The following RNF130 variants were observed in gnomAD, a reference collection of about 807,000 sequenced individuals.
RNF130 encodes ring finger protein 130.
Under a neutral mutation model 44.6 loss-of-function variants are expected in RNF130, and 21 were observed. That is an observed-to-expected ratio of 0.47 (90% CI 0.33 to 0.68). The LOEUF is 0.68. RNF130 is among the 30% of genes least tolerant of loss of function. The pLI, the probability that RNF130 is intolerant of heterozygous loss-of-function variation, is 0.02. For synonymous variants in RNF130, 214 were observed against 210.4 expected, an observed-to-expected ratio of 1.02 and a Z score of -0.15; for missense variants, 479 against 560.6, an observed-to-expected ratio of 0.85 and a Z score of 1.47.
chr5:179,985,818 C>T (rs373087083), intron 3 of RNF130, among the ~76,000 whole-genome samples: 3 of 152,092 alleles, frequency 2.0e-5, no homozygotes, highest in African/African-American at 4.8e-5. Context: ...TAATAAATGT[C>T]CTTTGTGGCA....
chr5:180,025,474 G>A (rs1032539430), intron 2 of RNF130, among the ~76,000 whole-genome samples: 7 of 152,148 alleles, frequency 4.6e-5, no homozygotes, highest in Admixed American at 3.9e-4. Flanking sequence ...TGCTGGTGAA[G>A]GCACTCTCCA....
At chr5:180,070,262 T>C (rs1314601461) in intron 1 of RNF130, among the ~76,000 whole-genome samples, 1 of 152,216 alleles carries the variant, frequency 6.6e-6, no homozygotes, top group Admixed American at 6.5e-5. Context: ...GCTGGGACCC[T>C]AACTGCCATT....
Position 180,045,734 on chromosome 5 carries a change from T to G in RNF130, c.248-5087A>C, listed in dbSNP as rs1764549620. 2.6e-5 allele frequency among the ~76,000 whole-genome samples: 4 copies of G among 152,214 alleles called. No individual in the cohort carries two copies. The South Asian group carries it at 8.3e-4, about 32-fold the overall frequency. On this transcript the variant is annotated intron_variant, in intron 1 of 8. Coordinates refer to ENST00000521389, the MANE Select transcript of RNF130 (RefSeq NM_018434.6). ...GAGTTAGACACAGAGTGCCAATTGG[T>G]GCATTTACAATCCTCCAGCTAGGCA...
At chr5:179,951,305 A>C (rs558701372), downstream of RNF130, among the ~76,000 whole-genome samples, 1 of 152,328 alleles carries the variant, frequency 6.6e-6, no homozygotes, top group South Asian at 2.1e-4. Flanking sequence ...GAAGAAAAAC[A>C]AGATAAGATT....
At chr5:179,958,752 T>A (rs909189453) in intron 8 of RNF130, among the ~76,000 whole-genome samples, 1 of 152,170 alleles carries the variant, frequency 6.6e-6, no homozygotes, top group Admixed American at 6.5e-5. Flanking sequence ...AATGGGGCGA[T>A]CTCGGCTCAC....
At chr5:179,946,012 C>T (rs1476147666) in intron 7 of RNF130, among the ~76,000 whole-genome samples, 1 of 152,234 alleles carries the variant, frequency 6.6e-6, no homozygotes, top group Non-Finnish European at 1.5e-5. Context: ...ATATGACTGA[C>T]GTTCCTTCAG....
chr5:180,050,947 G>A (rs1455177859), intron 1 of RNF130, among the ~76,000 whole-genome samples: 1 of 151,980 alleles, frequency 6.6e-6, no homozygotes, highest in East Asian at 1.9e-4. Context: ...GGGACTACAG[G>A]CATGCACCAC....
chr5:179,959,670 G>C (rs1762284816), intron 8 of RNF130, among the ~76,000 whole-genome samples: 1 of 151,700 alleles, frequency 6.6e-6, no homozygotes, highest in South Asian at 2.1e-4. Context: ...CAGAAATACT[G>C]AGAGTAAAAT....
chr5:179,981,540 A>G (rs528059363), intron 3 of RNF130, among the ~76,000 whole-genome samples: 12 of 152,318 alleles, frequency 7.9e-5, no homozygotes, highest in Admixed American at 6.5e-4. Flanking sequence ...CTTTACTTCT[A>G]TTTTTCATCT....
chr5:179,946,482 G>C (rs185690739), intron 7 of RNF130, among the ~76,000 whole-genome samples: 47 of 152,096 alleles, frequency 3.1e-4, no homozygotes, highest in Non-Finnish European at 4.6e-4. Context: ...AAAGAAAGTG[G>C]ATAATTTCTA....
chr5:179,942,078 C>G (rs1464467784), intron 7 of RNF130, among the ~76,000 whole-genome samples: 1 of 151,356 alleles, frequency 6.6e-6, no homozygotes, highest in Admixed American at 6.7e-5. Flanking sequence ...AATAAATATT[C>G]CATTAAATTG....
chr5:180,071,738 G>A lies in RNF130; in HGVS notation c.-36C>T. On this transcript the variant is annotated 5_prime_UTR_variant, in exon 1 of 9. Coordinates refer to ENST00000521389, the MANE Select transcript of RNF130 (RefSeq NM_018434.6). The stretch of plus-strand genomic sequence containing the variant: ...GCAGCCGCCGCTGCTCGCGGACCGG[G>A]CTCCGGGGCCGGCGCCTAGAGGCGG... 1.7e-6 allele frequency: 2 copies of A among 1,181,346 alleles called. No homozygotes were observed. Among genetic ancestry groups the A allele is most frequent in the Middle Eastern group, 3.4e-4 (1 of 2,948 alleles). 73.2% of individuals were successfully genotyped at this position (1,181,346 alleles called of 1,614,324 possible). A position where few individuals can be genotyped will look rare whatever the true frequency, so the allele number is the denominator to read the frequency against.
At chr5:179,966,746 G>T (rs1762457630) in intron 7 of RNF130, 60 bp downstream of exon 7, 1 of 1,482,910 alleles carries the variant, frequency 6.7e-7, no homozygotes, top group South Asian at 1.2e-5. Flanking sequence ...TCTCCTGATG[G>T]TCCCGAATGC....
chr5:180,038,711 T>A (rs1764335813), intron 2 of RNF130, among the ~76,000 whole-genome samples: 1 of 151,608 alleles, frequency 6.6e-6, no homozygotes, highest in African/African-American at 2.4e-5. Context: ...AGTAATTTAA[T>A]TTTTTTTTAA....
chr5:179,941,040 T>C (rs1286115862), intron 7 of RNF130, among the ~76,000 whole-genome samples: 1 of 152,222 alleles, frequency 6.6e-6, no homozygotes, highest in Non-Finnish European at 1.5e-5. Flanking sequence ...CATTTCCTTT[T>C]GATTTTGTTA....
chr5:180,042,888 C>G (rs1764458351), intron 1 of RNF130, among the ~76,000 whole-genome samples: 2 of 152,182 alleles, frequency 1.3e-5, no homozygotes, highest in South Asian at 4.1e-4. Context: ...AGACTGTGCT[C>G]CAAGGTCTAG....
intron 6 of RNF130, among the ~76,000 whole-genome samples, chr5:179,968,520 G>T (rs568456176): frequency 1.3e-5 from 2 of 152,010 alleles, no homozygotes; most frequent in African/African-American, 4.8e-5. Context: ...ACAAAAATTA[G>T]CCAGGTGTGG....
At chr5:179,934,357 T>C (rs1337407285) in intron 7 of RNF130, among the ~76,000 whole-genome samples, 2 of 152,156 alleles carry the variant, frequency 1.3e-5, no homozygotes, top group Non-Finnish European at 2.9e-5. Context: ...TGGTAATCGC[T>C]CCTCTGCACT....
chr5:180,010,436 T>G (rs1763566165), intron 3 of RNF130, among the ~76,000 whole-genome samples: 1 of 152,010 alleles, frequency 6.6e-6, no homozygotes, highest in African/African-American at 2.4e-5. Flanking sequence ...CATGGCTCAC[T>G]GCAGCCTCTG....
Sources: allele counts gnomAD v4.1 joint callset (sites outside exome capture counted in the v4.1 genomes callset), GRCh38; gene constraint gnomAD v4.1.1; transcripts MANE v1.5; gene names NCBI Gene and HGNC (gene_info 2026-07-23, HGNC 2026-07-21).